The following DPH6 variants were observed in gnomAD, a reference collection of about 807,000 sequenced individuals.
DPH6 encodes diphthamine biosynthesis 6.
A neutral mutation model predicts 38.2 loss-of-function variants in DPH6; 33 were observed. The ratio of observed to expected loss-of-function variants is 0.86; its 90% CI spans 0.65 to 1.15. The LOEUF (loss-of-function observed/expected upper bound fraction) is 1.15, where lower values mean the gene tolerates loss of function less well. DPH6 is among the 50% of genes most tolerant of loss of function. The probability of loss-of-function intolerance (pLI) is 0.00; values close to 1 mark genes in which losing one functional copy is unlikely to be tolerated. For missense variants in DPH6, 325 were observed against 320.0 expected (o/e 1.02, Z -0.12); for synonymous variants, 108 against 103.0 (o/e 1.05, Z -0.30).
intron 5 of DPH6, among the ~76,000 whole-genome samples, chr15:35,415,453 T>A (rs1003872919): frequency 6.6e-6 from 1 of 151,990 alleles, no homozygotes; most frequent in Non-Finnish European, 1.5e-5. Flanking sequence ...CACCATAAGA[T>A]CTCATTTTTC....
chr15:35,525,464 A>G (rs2054985615), intron 3 of DPH6, among the ~76,000 whole-genome samples: 1 of 152,214 alleles, frequency 6.6e-6, no homozygotes, highest in Admixed American at 6.5e-5. Flanking sequence ...TGGAAGCCCC[A>G]GAAGACCCAT....
At chr15:35,495,256 T>C (rs2054534452) in intron 3 of DPH6, among the ~76,000 whole-genome samples, 1 of 152,164 alleles carries the variant, frequency 6.6e-6, no homozygotes, top group Admixed American at 6.5e-5. Context: ...CCGGTATCCT[T>C]ATAATTATGA....
At chr15:35,482,685 T>G (rs2054342623) in intron 3 of DPH6, among the ~76,000 whole-genome samples, 2 of 152,202 alleles carry the variant, frequency 1.3e-5, no homozygotes. Flanking sequence ...ATTTAAGCCC[T>G]TACCTCACAC....
At chr15:35,186,240 C>T in the DPH6 span, among the ~76,000 whole-genome samples, 1 of 152,092 alleles carries the variant, frequency 6.6e-6, no homozygotes, top group Non-Finnish European at 1.5e-5. Context: ...TCCTTTATAT[C>T]TTCAAAGAAA....
At chr15:35,485,413 T>C (rs974787040) in intron 3 of DPH6, among the ~76,000 whole-genome samples, 2 of 152,246 alleles carry the variant, frequency 1.3e-5, no homozygotes, top group Non-Finnish European at 2.9e-5. Flanking sequence ...CACTTTCCTT[T>C]GCCAAGATAG....
chr15:35,534,522 C>A, intron 3 of DPH6, among the ~76,000 whole-genome samples: 1 of 151,112 alleles, frequency 6.6e-6, no homozygotes, highest in South Asian at 2.1e-4. Context: ...AATGGACAAA[C>A]AAGAAAAGTT....
chr15:35,173,794 G>T, the DPH6 span, among the ~76,000 whole-genome samples: 7 of 152,138 alleles, frequency 4.6e-5, no homozygotes, highest in African/African-American at 1.7e-4. Flanking sequence ...CGAAGGTCCT[G>T]CTCTAACTCT....
At chr15:35,541,523 T>C (rs903198389) in intron 2 of DPH6, among the ~76,000 whole-genome samples, 1 of 152,154 alleles carries the variant, frequency 6.6e-6, no homozygotes, top group East Asian at 1.9e-4. Context: ...GCCTACTTCA[T>C]GACAGGAACT....
intron 3 of DPH6, among the ~76,000 whole-genome samples, chr15:35,240,749 A>G (rs1297836857): frequency 7.0e-6 from 1 of 143,708 alleles, no homozygotes; most frequent in Non-Finnish European, 1.5e-5. Flanking sequence ...GAGACGCTTT[A>G]CAGCCCTAGA....
At chr15:35,545,626 G>C (rs377190187) in intron 1 of DPH6, among the ~76,000 whole-genome samples, 4 of 152,190 alleles carry the variant, frequency 2.6e-5, no homozygotes, top group African/African-American at 9.6e-5. Context: ...CAACTAGGGA[G>C]GAAGCCAGGC....
chr15:35,512,448 C>A (rs1206612611), intron 3 of DPH6, among the ~76,000 whole-genome samples: 1 of 152,094 alleles, frequency 6.6e-6, no homozygotes, highest in Non-Finnish European at 1.5e-5. Flanking sequence ...CCACATGGCA[C>A]ATTTTTAGTA....
chr15:35,351,742 G>C (rs2052513173), intron 3 of DPH6, among the ~76,000 whole-genome samples: 1 of 144,690 alleles, frequency 6.9e-6, no homozygotes, highest in South Asian at 2.2e-4. Flanking sequence ...TTTTTTGAGA[G>C]ACAAGGTGTC....
chr15:35,430,490 G>A (rs2053619520), intron 5 of DPH6, among the ~76,000 whole-genome samples: 2 of 151,254 alleles, frequency 1.3e-5, no homozygotes, highest in Non-Finnish European at 2.9e-5. Flanking sequence ...TCCTGCCCAA[G>A]GCAGGTGAGA....
intron 3 of DPH6, among the ~76,000 whole-genome samples, chr15:35,332,374 T>C (rs1005622006): frequency 1.3e-4 from 20 of 152,120 alleles, no homozygotes; most frequent in Admixed American, 1.2e-3. Flanking sequence ...ACAACCAATT[T>C]TCACATTGCA....
the DPH6 span, among the ~76,000 whole-genome samples, chr15:35,152,673 A>G: frequency 6.6e-6 from 1 of 152,000 alleles, no homozygotes; most frequent in Non-Finnish European, 1.5e-5. Context: ...CTAATTTTGT[A>G]TTTTTAGTAG....
At chr15:35,165,270 AT>A in the DPH6 span, among the ~76,000 whole-genome samples, 1 of 151,842 alleles carries the variant, frequency 6.6e-6, no homozygotes, top group Non-Finnish European at 1.5e-5. Context: ...CCCAATAAAT[AT>A]TTGTCAGATT....
chr15:35,489,214 C>G, intron 3 of DPH6: 2 of 467,160 alleles, frequency 4.3e-6, no homozygotes, highest in Non-Finnish European at 5.6e-6. Flanking sequence ...GAGATATAAT[C>G]TTGGAAACCA....
At chr15:35,190,318 C>A in the DPH6 span, among the ~76,000 whole-genome samples, 1 of 152,154 alleles carries the variant, frequency 6.6e-6, no homozygotes, top group Non-Finnish European at 1.5e-5. Flanking sequence ...TTCGGAAGAC[C>A]GGAGTTTTAT....
chr15:35,389,414 T>C (rs1195839986), intron 6 of DPH6, among the ~76,000 whole-genome samples: 3 of 152,148 alleles, frequency 2.0e-5, no homozygotes, highest in South Asian at 2.1e-4. Flanking sequence ...TTCTGTCTCA[T>C]TGATCTGTCT....
Sources: gnomAD v4.1 joint callset for allele counts (sites outside exome capture counted in the v4.1 genomes callset) on GRCh38, gnomAD v4.1.1 for gene constraint, MANE v1.5 for transcripts, NCBI Gene and HGNC (gene_info 2026-07-23, HGNC 2026-07-21) for gene names.